Variants in FAM200A observed in about 807,000 individuals in gnomAD.
FAM200A encodes protein FAM200A.
A neutral mutation model predicts 44.2 loss-of-function variants in FAM200A; 26 were observed. The ratio of observed to expected loss-of-function variants is 0.59; its 90% CI spans 0.43 to 0.82. FAM200A has a LOEUF of 0.82. FAM200A is among the 40% of genes least tolerant of loss of function. The probability of loss-of-function intolerance (pLI) is 0.00; values close to 1 mark genes in which losing one functional copy is unlikely to be tolerated. For missense variants in FAM200A, 606 were observed against 669.5 expected (o/e 0.91, Z 1.05); for synonymous variants, 206 against 244.4 (o/e 0.84, Z 1.47).
rs781534389 is a variant in FAM200A, at chr7:99,547,675, G to T, written c.733C>A (p.Arg245=). The change falls in exon 2 of 2, where the codon CGA becomes AGA. Residue 245 remains arginine, a synonymous_variant. Coordinates refer to ENST00000449309, the MANE Select transcript of FAM200A (RefSeq NM_145111.4). ...ATTTCTTTGGATACCAAAGCTTCTC[G>T]ATGAATAAAACAGTGATTCCAAACA... ...NAVWNHCFIH[R]EALVSKEISP... The T allele has an allele frequency of 6.4e-7, 1 of 1,551,024 alleles. No individual in the cohort carries two copies. Among genetic ancestry groups the T allele is most frequent in the African/African-American group, 1.4e-5 (1 of 73,076 alleles).
At chr7:99,553,070 CATATATATAT>C (rs1178743418), upstream of FAM200A, among the ~76,000 whole-genome samples, 83 of 74,042 alleles carry the variant, frequency 1.1e-3, no homozygotes, top group Admixed American at 2.1e-3. Flanking sequence ...TATACACACA[CATATATATAT>C]ATATATATAT....
chr7:99,549,662 A>G (rs1400937307), intron 1 of FAM200A, among the ~76,000 whole-genome samples: 1 of 152,238 alleles, frequency 6.6e-6, no homozygotes, highest in South Asian at 2.1e-4. Flanking sequence ...ACATCCATCA[A>G]TGATAGACTG....
In FAM200A at chr7:99,546,896, A is replaced by G. The variant is rs965806458; in HGVS notation, c.1512T>C (p.Asp504=). 3.2e-6 allele frequency: 5 copies of G among 1,549,046 alleles called. No homozygotes were observed. The African/African-American group carries it at 4.1e-5, about 13-fold the overall frequency. The change falls in exon 2 of 2, where the codon GAT becomes GAC. Residue 504 remains aspartate, a synonymous_variant. Transcript: ENST00000449309. The stretch of plus-strand genomic sequence containing the variant: ...TCTTCCTACTTAGCAGTGGAAAGTC[A>G]TCTTTAATCTTAATCCAAAATGCTG... ...SLSAFWIKIK[D]DFPLLSRKSI...
Position 99,546,842 on chromosome 7 carries a change from A to C in FAM200A, c.1566T>G (p.Thr522=), listed in dbSNP as rs1405555346. The change falls in exon 2 of 2, where the codon ACT becomes ACG. Residue 522 remains threonine (T), a synonymous_variant. Transcript: ENST00000449309. ...AAAATCCTAGTTCACACAAATATGTAGTTGTGAATGGTAGTAACAGCAATA... is the reference window on the plus strand; with the variant it reads ...AAAATCCTAGTTCACACAAATATGTCGTTGTGAATGGTAGTAACAGCAATA... ...KSILLLLPFT[T]TYLCELGFSI... is the part of the protein sequence containing the mutation. 2 of 1,551,492 alleles carry C rather than the reference A, an allele frequency of 1.3e-6. No individual in the cohort carries two copies. Among genetic ancestry groups the C allele is most frequent in the African/African-American group, 2.7e-5 (2 of 73,058 alleles).
In FAM200A at chr7:99,546,457, C is replaced by T. The variant is rs372601876; in HGVS notation, c.*229G>A. 19 of 389,988 alleles carry T rather than the reference C, an allele frequency of 4.9e-5. No individual in the cohort carries two copies. The highest frequency in any genetic ancestry group is 3.7e-4 in the African/African-American group (18 of 48,280). 24.2% of individuals were successfully genotyped at this position (389,988 alleles called of 1,614,324 possible). ...TATCTCAGCTCACTGCAATCTCTGCCTTCCTGGTTTAAGAGATTCTCCTGC... is the reference window on the plus strand; with the variant it reads ...TATCTCAGCTCACTGCAATCTCTGCTTTCCTGGTTTAAGAGATTCTCCTGC... On this transcript the variant is annotated 3_prime_UTR_variant, in exon 2 of 2. Coordinates refer to ENST00000449309, the MANE Select transcript of FAM200A (RefSeq NM_145111.4).
At chr7:99,549,072 AAAAAAAC>A (rs1328146840) in intron 1 of FAM200A, among the ~76,000 whole-genome samples, 3 of 4,416 alleles carry the variant, frequency 6.8e-4, no homozygotes, top group South Asian at 8.8e-3. Context: ...GTCTCAAAAA[AAAAAAAC>A]AAAAAACAAA....
At position 99,552,110 on chromosome 7, in the gene FAM200A, G is replaced by A. The variant is rs908313596; in HGVS notation, c.-356C>T. The A allele has an allele frequency of 3.0e-6, 3 of 985,354 alleles. No homozygotes were observed. Among genetic ancestry groups the A allele is most frequent in the African/African-American group, 1.7e-5 (1 of 57,252 alleles). The allele number at this position is 985,354 out of a possible 1,614,324, so 61.0% of individuals were successfully genotyped here. ...CTGGCCTTCAGAGCCCAGGGAAAGC[G>A]TCACAAAAGCCGGAAGTGCGTCACA... On this transcript the variant is annotated 5_prime_UTR_variant, in exon 1 of 2. In the 5' UTR this introduces an upstream ATG that the reference lacks. Coordinates refer to ENST00000449309, the MANE Select transcript of FAM200A (RefSeq NM_145111.4).
Position 99,546,890 on chromosome 7 carries a change from A to G in FAM200A, c.1518T>C (p.Phe506=), listed in dbSNP as rs1271419606. The G allele has an allele frequency of 3.9e-6, 6 of 1,549,664 alleles. No homozygotes were observed. In the East Asian group the frequency reaches 1.2e-4, roughly 32 times the overall value. ...ATATACTCTTCCTACTTAGCAGTGG[A>G]AAGTCATCTTTAATCTTAATCCAAA... ...SAFWIKIKDD[F]PLLSRKSILL... is the part of the protein sequence containing the mutation. The change falls in exon 2 of 2, where the codon TTT becomes TTC. Residue 506 remains phenylalanine, a synonymous_variant. Coordinates refer to ENST00000449309, the MANE Select transcript of FAM200A (RefSeq NM_145111.4).
chr7:99,546,464 G>A lies in FAM200A; in HGVS notation c.*222C>T, dbSNP rs1802387565. 2.5e-6 allele frequency: 1 copy of A among 406,458 alleles called. No homozygotes were observed. Among genetic ancestry groups the A allele is most frequent in the African/African-American group, 2.1e-5 (1 of 48,404 alleles). 25.2% of individuals were successfully genotyped at this position (406,458 alleles called of 1,614,324 possible). On this transcript the variant is annotated 3_prime_UTR_variant, in exon 2 of 2. Coordinates refer to ENST00000449309, the MANE Select transcript of FAM200A (RefSeq NM_145111.4). The stretch of plus-strand genomic sequence containing the variant: ...GCTCACTGCAATCTCTGCCTTCCTG[G>A]TTTAAGAGATTCTCCTGCCTCAGGC...
At chr7:99,553,719 C>T (rs1802619790), upstream of FAM200A, among the ~76,000 whole-genome samples, 1 of 152,152 alleles carries the variant, frequency 6.6e-6, no homozygotes, top group African/African-American at 2.4e-5. Flanking sequence ...CCATTTTGGC[C>T]CAATGCATTT....
At chr7:99,550,892 C>G (rs1802513140) in intron 1 of FAM200A, among the ~76,000 whole-genome samples, 1 of 152,136 alleles carries the variant, frequency 6.6e-6, no homozygotes, top group Non-Finnish European at 1.5e-5. Context: ...GCCTGGCCAA[C>G]ATGGCGAAAC....
upstream of FAM200A, among the ~76,000 whole-genome samples, chr7:99,556,437 T>A (rs1802677436): frequency 6.6e-6 from 1 of 152,200 alleles, no homozygotes; most frequent in Non-Finnish European, 1.5e-5. Flanking sequence ...ATTTTCAGCT[T>A]AGCTAGATGC....
upstream of FAM200A, among the ~76,000 whole-genome samples, chr7:99,556,490 A>G (rs1469792532): frequency 6.6e-6 from 1 of 152,156 alleles, no homozygotes; most frequent in Non-Finnish European, 1.5e-5. Context: ...TATTGTATGT[A>G]TCTAGATCTA....
At chr7:99,554,204 G>A (rs1802631680), upstream of FAM200A, among the ~76,000 whole-genome samples, 2 of 152,088 alleles carry the variant, frequency 1.3e-5, no homozygotes, top group Non-Finnish European at 2.9e-5. Context: ...ATATTGGCCG[G>A]GCACGGTGGC....
At chr7:99,551,791 C>A (rs1802538211) in intron 1 of FAM200A, 63 bp downstream of exon 1, 2 of 981,940 alleles carry the variant, frequency 2.0e-6, no homozygotes, top group South Asian at 4.7e-5. Context: ...GACACGCAGA[C>A]CGCCTCTCTC....
rs1802415063 is a variant in FAM200A at position 99,547,430 on chromosome 7, T to C, written c.978A>G (p.Glu326=). Residue 326 remains glutamate, a synonymous_variant, in exon 2 of 2, where the codon GAA becomes GAG. Coordinates refer to ENST00000449309, the MANE Select transcript of FAM200A (RefSeq NM_145111.4). ...LRNEIYIFLV[E]KQSHLANIFE... The stretch of plus-strand genomic sequence containing the variant: ...AAATATTTGCCAAATGAGATTGCTT[T>C]TCAACGAGAAAAATGTAAATCTCGT... The C allele has an allele frequency of 6.4e-7, 1 of 1,551,414 alleles. No homozygotes were observed. Among genetic ancestry groups the C allele is most frequent in the Non-Finnish European group, 8.7e-7 (1 of 1,146,920 alleles).
chr7:99,547,851 T>C lies in FAM200A; in HGVS notation c.557A>G (p.Asp186Gly), dbSNP rs1295111441. The C allele has an allele frequency of 6.4e-7, 1 of 1,551,192 alleles. No individual in the cohort carries two copies. The highest frequency in any genetic ancestry group is 2.0e-5 in the Admixed American group (1 of 50,934). The change falls in exon 2 of 2, where the codon GAT (aspartate) becomes GGT (glycine). Residue 186 changes from aspartate to glycine, a missense_variant. Transcript: ENST00000449309. ...LNLNSHITGL[D>G]LFTELENCLL... ...GCAGTTTTCTAATTCAGTAAATAAA[T>C]CTAATCCAGTTATATGTGAATTTAA...
intron 1 of FAM200A, among the ~76,000 whole-genome samples, 198 bp downstream of exon 1, chr7:99,551,656 G>C (rs995608316): frequency 6.6e-6 from 1 of 152,180 alleles, no homozygotes; most frequent in African/African-American, 2.4e-5. Context: ...GGGTACCCAG[G>C]AAACCAGAAA....
In FAM200A at chr7:99,552,091, T is replaced by C; in HGVS notation, c.-337A>G. On this transcript the variant is annotated 5_prime_UTR_variant, in exon 1 of 2. Coordinates refer to ENST00000449309, the MANE Select transcript of FAM200A (RefSeq NM_145111.4). ...AGACTCACATCCAAGCCCCCTGGCCTTCAGAGCCCAGGGAAAGCGTCACAA... is the reference window on the plus strand; with the variant it reads ...AGACTCACATCCAAGCCCCCTGGCCCTCAGAGCCCAGGGAAAGCGTCACAA... 1 of 985,478 alleles carries C rather than the reference T, an allele frequency of 1.0e-6. No individual in the cohort carries two copies. The highest frequency in any genetic ancestry group is 4.7e-5 in the South Asian group (1 of 21,288). 61.0% of individuals were successfully genotyped at this position (985,478 alleles called of 1,614,324 possible).
Sources: allele counts gnomAD v4.1 joint callset (sites outside exome capture counted in the v4.1 genomes callset), GRCh38; gene constraint gnomAD v4.1.1; transcripts MANE v1.5; gene names NCBI Gene and HGNC (gene_info 2026-07-23, HGNC 2026-07-21).